The following ST8SIA6 variants were observed in gnomAD, a reference collection of about 807,000 sequenced individuals.
ST8SIA6 encodes ST8 alpha-N-acetyl-neuraminide alpha-2,8-sialyltransferase 6.
A neutral mutation model predicts 33.6 loss-of-function variants in ST8SIA6; 39 were observed. That is an observed-to-expected ratio of 1.16 (90% CI 0.90 to 1.52). The LOEUF is 1.52. Among genes scored for constraint, ST8SIA6 ranks in the 40% most tolerant of loss-of-function variants. ST8SIA6 has a pLI of 0.00. For missense variants in ST8SIA6, 441 were observed against 443.8 expected (o/e 0.99, Z 0.06); for synonymous variants, 172 against 167.2 (o/e 1.03, Z -0.22).
rs1393864201 is a variant in ST8SIA6 at position 17,317,011 on chromosome 10, G to A, written c.*3867C>T. Among the ~76,000 whole-genome samples the A allele has an allele frequency of 6.6e-6, 1 of 152,064 alleles. No individual in the cohort carries two copies. Among genetic ancestry groups the A allele is most frequent in the Non-Finnish European group, 1.5e-5 (1 of 67,996 alleles). On this transcript the variant is annotated 3_prime_UTR_variant, in exon 8 of 8. Coordinates refer to ENST00000377602, the MANE Select transcript of ST8SIA6 (RefSeq NM_001004470.3). ...TAAAAAGATATTTTTGGGTCATGTT[G>A]AAGAAGTACAGTTCCTCACCTGTAT...
At chr10:17,361,517 A>AACACACACACACAC (rs35428636) in intron 3 of ST8SIA6, among the ~76,000 whole-genome samples, 25 of 146,098 alleles carry the variant, frequency 1.7e-4, no homozygotes, top group Non-Finnish European at 3.2e-4. Context: ...CTTCCTACAA[A>AACACACACACACAC]ACACACACAC....
chr10:17,386,357 G>A (rs181446679), intron 3 of ST8SIA6, among the ~76,000 whole-genome samples: 3 of 151,726 alleles, frequency 2.0e-5, no homozygotes, highest in Admixed American at 6.6e-5. Flanking sequence ...TGGCCAATAT[G>A]GTGAAACCCT....
At chr10:17,409,504 A>C (rs1383498142) in intron 2 of ST8SIA6, 1 of 152,580 alleles carries the variant, frequency 6.6e-6, no homozygotes, top group Non-Finnish European at 1.5e-5. Flanking sequence ...AGGCGAAGGC[A>C]GGCAGATCAC....
At chr10:17,380,600 C>T (rs576542218) in intron 3 of ST8SIA6, among the ~76,000 whole-genome samples, 1 of 152,304 alleles carries the variant, frequency 6.6e-6, no homozygotes, top group African/African-American at 2.4e-5. Flanking sequence ...CCAGACCAAA[C>T]TGAAAGAGCA....
At chr10:17,351,306 T>A (rs1849021691) in intron 4 of ST8SIA6, among the ~76,000 whole-genome samples, 1 of 151,752 alleles carries the variant, frequency 6.6e-6, no homozygotes, top group Non-Finnish European at 1.5e-5. Flanking sequence ...CTTCATTTAC[T>A]AGTGATGACA....
At chr10:17,337,713 A>G (rs1292661959) in intron 4 of ST8SIA6, among the ~76,000 whole-genome samples, 1 of 152,232 alleles carries the variant, frequency 6.6e-6, no homozygotes, top group Non-Finnish European at 1.5e-5. Flanking sequence ...CATCACCCCT[A>G]AAGTCAGAAT....
intron 6 of ST8SIA6, among the ~76,000 whole-genome samples, chr10:17,324,772 CATGCATGCATGGTATGT>C (rs1358098032): frequency 6.9e-6 from 1 of 144,156 alleles, no homozygotes; most frequent in Admixed American, 6.9e-5. Context: ...TGTACCATAC[CATGCATGCATGGTATGT>C]ATGCATGTAT....
intron 6 of ST8SIA6, 72 bp from the exon 7 acceptor site, chr10:17,323,229 G>GTGCACGCACACACACA (rs1554783534): frequency 1.3e-6 from 1 of 793,956 alleles, no homozygotes; most frequent in Non-Finnish European, 2.1e-6. Flanking sequence ...ACATATGCGC[G>GTGCACGCACACACACA]CACACACACA....
chr10:17,334,419 G>T (rs1478525807), intron 4 of ST8SIA6, among the ~76,000 whole-genome samples: 1 of 151,616 alleles, frequency 6.6e-6, no homozygotes, highest in Non-Finnish European at 1.5e-5. Context: ...GGCACCTGTA[G>T]TCCCAGCTAG....
intron 2 of ST8SIA6, among the ~76,000 whole-genome samples, chr10:17,394,766 C>T (rs992598415): frequency 6.6e-6 from 1 of 152,160 alleles, no homozygotes; most frequent in African/African-American, 2.4e-5. Flanking sequence ...TTGGGGCACA[C>T]CACAAGTGAA....
At chr10:17,441,860 G>A (rs1029416132) in intron 2 of ST8SIA6, among the ~76,000 whole-genome samples, 4 of 151,364 alleles carry the variant, frequency 2.6e-5, no homozygotes, top group African/African-American at 9.7e-5. Flanking sequence ...TAGTAAAGAC[G>A]ATATAAAACA....
intron 3 of ST8SIA6, 90 bp from the exon 4 acceptor site, chr10:17,359,690 C>A: frequency 2.9e-6 from 2 of 683,660 alleles, no homozygotes; most frequent in Non-Finnish European, 4.6e-6. Flanking sequence ...TCCCTTTAGT[C>A]TATAAATATT....
chr10:17,420,337 G>T (rs188944695), intron 2 of ST8SIA6, among the ~76,000 whole-genome samples: 1 of 152,188 alleles, frequency 6.6e-6, no homozygotes, highest in African/African-American at 2.4e-5. Flanking sequence ...GCGTGAACCC[G>T]AGAAGCGGAG....
At chr10:17,376,997 C>T (rs1383465016) in intron 3 of ST8SIA6, among the ~76,000 whole-genome samples, 18 of 152,164 alleles carry the variant, frequency 1.2e-4, no homozygotes, top group Admixed American at 1.2e-3. Flanking sequence ...GCCATCATAT[C>T]CCCTGTGACC....
At position 17,341,900 on chromosome 10, in the gene ST8SIA6, C is replaced by CAAAAAA. The variant is rs71393004; in HGVS notation, c.378-10354_378-10349dup. Among the ~76,000 whole-genome samples the CAAAAAA allele has an allele frequency of 8.6e-4, 63 of 73,114 alleles. 1 individual carries two copies. Among genetic ancestry groups the CAAAAAA allele is most frequent in the Middle Eastern group, 0.01 (1 of 100 alleles). 48.0% of individuals were successfully genotyped at this position (73,114 alleles called of 152,430 possible). On this transcript the variant is annotated intron_variant, in intron 4 of 7. Coordinates refer to ENST00000377602, the MANE Select transcript of ST8SIA6 (RefSeq NM_001004470.3). Reference sequence around the variant, plus strand: ...TGGGCAACAGAGCAAGGCTCCATCTCAAAAAAAAAAAAAAAAAAAAACAAA... The same window carrying CAAAAAA: ...TGGGCAACAGAGCAAGGCTCCATCTCAAAAAAAAAAAAAAAAAAAAAAAAAAACAAA...
At chr10:17,376,647 A>T (rs924919132) in intron 3 of ST8SIA6, among the ~76,000 whole-genome samples, 2 of 152,224 alleles carry the variant, frequency 1.3e-5, no homozygotes, top group African/African-American at 4.8e-5. Flanking sequence ...ATCCATAGAG[A>T]CATTTTTCTA....
intron 2 of ST8SIA6, among the ~76,000 whole-genome samples, chr10:17,412,341 C>T (rs1273750468): frequency 6.6e-6 from 1 of 152,128 alleles, no homozygotes; most frequent in East Asian, 1.9e-4. Context: ...ATCCCCAGAC[C>T]TGGAGCTCAG....
At chr10:17,381,879 T>G (rs2131644948) in intron 3 of ST8SIA6, among the ~76,000 whole-genome samples, 1 of 152,324 alleles carries the variant, frequency 6.6e-6, no homozygotes, top group South Asian at 2.1e-4. Flanking sequence ...AATAAAGAGG[T>G]TTGTTTTGGG....
At chr10:17,424,465 C>T (rs1380172765) in intron 2 of ST8SIA6, among the ~76,000 whole-genome samples, 2 of 152,128 alleles carry the variant, frequency 1.3e-5, no homozygotes, top group Non-Finnish European at 2.9e-5. Flanking sequence ...TCAATCCTGC[C>T]TGTGCCCCCA....
Sources: gnomAD v4.1 joint callset for allele counts (sites outside exome capture counted in the v4.1 genomes callset) on GRCh38, gnomAD v4.1.1 for gene constraint, MANE v1.5 for transcripts, NCBI Gene and HGNC (gene_info 2026-07-23, HGNC 2026-07-21) for gene names.